RALYL: variants seen among roughly 807,000 people sequenced by gnomAD.
RALYL encodes RALY RNA binding protein like, also known as RNA-binding Raly-like protein.
Under a neutral mutation model 35.1 loss-of-function variants are expected in RALYL, and 29 were observed. The observed-to-expected ratio is 0.83, with a 90% CI of 0.61 to 1.13. The LOEUF (loss-of-function observed/expected upper bound fraction) is 1.13. Among genes scored for constraint, RALYL ranks in the 50% most tolerant of loss-of-function variants. The pLI is 0.00. For missense variants in RALYL, 359 were observed against 360.4 expected, an observed-to-expected ratio of 1.00 and a Z score of 0.03; for synonymous variants, 120 against 127.6, an observed-to-expected ratio of 0.94 and a Z score of 0.40.
chr8:84,425,785 G>GTGTA, intron 1 of RALYL, among the ~76,000 whole-genome samples: 1 of 43,558 alleles, frequency 2.3e-5, no homozygotes, highest in Middle Eastern at 0.012. Flanking sequence ...TTTTTCTTCT[G>GTGTA]TGTGTGTGTG....
chr8:84,299,703 T>C (rs1840409173), intron 1 of RALYL, among the ~76,000 whole-genome samples: 1 of 152,080 alleles, frequency 6.6e-6, no homozygotes, highest in South Asian at 2.1e-4. Flanking sequence ...TGGGAGTTTG[T>C]ATATTGCCAG....
intron 4 of RALYL, among the ~76,000 whole-genome samples, chr8:84,807,149 C>T (rs962860392): frequency 6.6e-6 from 1 of 152,064 alleles, no homozygotes; most frequent in African/African-American, 2.4e-5. Context: ...GGTCTTTTAG[C>T]CCTCACCCCC....
chr8:84,489,211 T>C (rs1056536104), intron 1 of RALYL, among the ~76,000 whole-genome samples: 2 of 152,084 alleles, frequency 1.3e-5, no homozygotes, highest in Admixed American at 6.6e-5. Flanking sequence ...GGCTTTTCTT[T>C]CTTTTTCCTT....
rs543545197 is a variant in RALYL, at chr8:84,711,999, T to G, written c.257-62580T>G. 7.9e-5 allele frequency among the ~76,000 whole-genome samples: 12 copies of G among 152,308 alleles called. No individual in the cohort carries two copies. In the South Asian group the frequency reaches 2.5e-3, roughly 32 times the overall value. ...AATGTGATCTAGGTTTTAAAACTTTTTTTAAGTTTATACCAGAAAAAACAA... is the reference window on the plus strand; with the variant it reads ...AATGTGATCTAGGTTTTAAAACTTTGTTTAAGTTTATACCAGAAAAAACAA... On this transcript the variant is annotated intron_variant, in intron 2 of 8. Transcript: ENST00000521268.
intron 1 of RALYL, among the ~76,000 whole-genome samples, chr8:84,423,760 G>T (rs1057039627): frequency 4.6e-5 from 7 of 151,124 alleles, no homozygotes; most frequent in Non-Finnish European, 7.4e-5. Flanking sequence ...GACAAAATCG[G>T]TCAGCATTTG....
intron 2 of RALYL, among the ~76,000 whole-genome samples, chr8:84,583,779 T>C (rs755051592): frequency 5.9e-5 from 9 of 152,108 alleles, no homozygotes; most frequent in Non-Finnish European, 1.2e-4. Context: ...GAGGCTAAGG[T>C]ATCTTGCATT....
chr8:84,381,507 CT>C (rs1265625655), intron 1 of RALYL, among the ~76,000 whole-genome samples: 1 of 151,866 alleles, frequency 6.6e-6, no homozygotes, highest in East Asian at 1.9e-4. Flanking sequence ...ATCTTAATTT[CT>C]TTTTTTCTAC....
At chr8:84,593,294 T>C (rs913304897) in intron 2 of RALYL, among the ~76,000 whole-genome samples, 1 of 152,080 alleles carries the variant, frequency 6.6e-6, no homozygotes, top group Non-Finnish European at 1.5e-5. Context: ...GGCTTTCAGG[T>C]CTTCCATATT....
chr8:84,776,579 T>C (rs1445792347), intron 3 of RALYL, among the ~76,000 whole-genome samples: 1 of 152,202 alleles, frequency 6.6e-6, no homozygotes, highest in Non-Finnish European at 1.5e-5. Flanking sequence ...CATTTGTAAA[T>C]GTATACATTA....
intron 2 of RALYL, among the ~76,000 whole-genome samples, chr8:84,591,248 G>T (rs894735271): frequency 2.6e-5 from 4 of 152,134 alleles, no homozygotes; most frequent in African/African-American, 9.7e-5. Flanking sequence ...CAGTTTTATG[G>T]ATGCTGATTG....
chr8:84,189,845 T>G (rs1222301934), intron 1 of RALYL, among the ~76,000 whole-genome samples: 2 of 152,188 alleles, frequency 1.3e-5, no homozygotes, highest in African/African-American at 4.8e-5. Context: ...TAGTGAGTGC[T>G]TTGAGCAGAA....
chr8:84,451,376 C>T (rs1167662503), intron 1 of RALYL, among the ~76,000 whole-genome samples: 7 of 151,796 alleles, frequency 4.6e-5, no homozygotes, highest in Non-Finnish European at 1.5e-5. Flanking sequence ...TAGTATGCTC[C>T]CCAATTCTGA....
chr8:84,221,772 CA>C (rs1822276864), intron 1 of RALYL, among the ~76,000 whole-genome samples: 1 of 151,966 alleles, frequency 6.6e-6, no homozygotes, highest in African/African-American at 2.4e-5. Context: ...TCTTATGTTT[CA>C]GTATCCCTAT....
intron 1 of RALYL, among the ~76,000 whole-genome samples, chr8:84,343,252 C>G (rs554064146): frequency 1.6e-4 from 24 of 152,142 alleles, no homozygotes; most frequent in African/African-American, 5.8e-4. Flanking sequence ...TTAGTTATGT[C>G]AGCTTCTTAC....
chr8:84,597,409 A>G (rs894284393), intron 2 of RALYL, among the ~76,000 whole-genome samples: 1 of 152,086 alleles, frequency 6.6e-6, no homozygotes, highest in African/African-American at 2.4e-5. Context: ...TTATTGTCCA[A>G]ACATTCTTGA....
chr8:84,198,618 A>AT (rs1816023912), intron 1 of RALYL, among the ~76,000 whole-genome samples: 1 of 152,044 alleles, frequency 6.6e-6, no homozygotes, highest in African/African-American at 2.4e-5. Flanking sequence ...CAGTCATTCC[A>AT]TTTTTTGTAC....
chr8:84,772,429 A>C (rs1378276412), intron 2 of RALYL, among the ~76,000 whole-genome samples: 1 of 152,154 alleles, frequency 6.6e-6, no homozygotes, highest in African/African-American at 2.4e-5. Flanking sequence ...CATGGAATCC[A>C]TAATTATCTT....
chr8:84,860,328 G>T (rs1055135252), intron 5 of RALYL, among the ~76,000 whole-genome samples: 9 of 152,120 alleles, frequency 5.9e-5, no homozygotes, highest in African/African-American at 1.2e-4. Flanking sequence ...CTAGGGAAAT[G>T]GTCCTGCTAA....
At chr8:84,809,562 ATTC>A (rs1226516238) in intron 4 of RALYL, among the ~76,000 whole-genome samples, 5 of 152,068 alleles carry the variant, frequency 3.3e-5, no homozygotes, top group Non-Finnish European at 7.4e-5. Flanking sequence ...ATAGGTACCA[ATTC>A]TTCTTTGAAT....
Sources: allele counts gnomAD v4.1 joint callset (sites outside exome capture counted in the v4.1 genomes callset), GRCh38; gene constraint gnomAD v4.1.1; transcripts MANE v1.5; gene names NCBI Gene and HGNC (gene_info 2026-07-23, HGNC 2026-07-21).